Variants in CNTRL observed in about 807,000 individuals in gnomAD.
CNTRL encodes the protein 110 kDa centrosomal protein.
A neutral mutation model predicts 303.7 loss-of-function variants in CNTRL; 233 were observed. The observed-to-expected ratio is 0.77, with a 90% CI of 0.69 to 0.86. The LOEUF (loss-of-function observed/expected upper bound fraction) is 0.86, where lower values mean the gene tolerates loss of function less well. CNTRL is among the 40% of genes least tolerant of loss of function. CNTRL has a pLI of 0.00. For missense variants in CNTRL, 2,524 were observed against 2,650.6 expected, an observed-to-expected ratio of 0.95 and a Z score of 1.05; for synonymous variants, 900 against 922.2, an observed-to-expected ratio of 0.98 and a Z score of 0.44.
intron 40 of CNTRL, 44 bp from the exon 41 acceptor site, chr9:121,173,195 AAGTC>A: frequency 6.6e-7 from 1 of 1,526,172 alleles, no homozygotes; most frequent in Non-Finnish European, 8.9e-7. Context: ...AATTCCAAGT[AAGTC>A]TGAAATTTTA....
At chr9:121,104,171 T>C (rs896839960) in intron 7 of CNTRL, among the ~76,000 whole-genome samples, 23 of 152,218 alleles carry the variant, frequency 1.5e-4, no homozygotes, top group Non-Finnish European at 2.8e-4. Flanking sequence ...GTGGCACATA[T>C]ACACCATGGA....
At chr9:121,130,914 G>A (rs1191105812) in intron 14 of CNTRL, among the ~76,000 whole-genome samples, 1 of 152,146 alleles carries the variant, frequency 6.6e-6, no homozygotes, top group Non-Finnish European at 1.5e-5. Context: ...GGAGCAGGTC[G>A]TTTAGTTTCC....
rs1177713212 is a variant in CNTRL at position 121,113,621 on chromosome 9, G to C, written c.1242G>C (p.Lys414Asn). The C allele has an allele frequency of 4.3e-6, 7 of 1,609,474 alleles. No homozygotes were observed. Among genetic ancestry groups the C allele is most frequent in the Non-Finnish European group, 5.9e-6 (7 of 1,178,542 alleles). The change falls in exon 10 of 44, where the codon AAG (lysine) becomes AAC (asparagine). Residue 414 changes from lysine to asparagine, a missense_variant. Transcript: ENST00000373855. ...ACAGTGCTCAGGCAGTACAGATCAAGAAGATGGAGCCAGATGAACAACTTA... is the reference window on the plus strand; with the variant it reads ...ACAGTGCTCAGGCAGTACAGATCAACAAGATGGAGCCAGATGAACAACTTA... ...IIDSAQAVQIKKMEPDEQLRN... is the reference protein window; with the variant it reads ...IIDSAQAVQINKMEPDEQLRN...
chr9:121,138,660 C>T lies in CNTRL; in HGVS notation c.2318C>T (p.Ala773Val). The change falls in exon 16 of 44, where the codon GCA (alanine) becomes GTA (valine). Residue 773 changes from alanine (A) to valine (V), a missense_variant. Transcript: ENST00000373855. Reference sequence around the variant, plus strand: ...GAGCAAGAGAACAGTGAGCTCCATGCAAAACTTAAACACTTGCAGGTAGAG... The same window carrying T: ...GAGCAAGAGAACAGTGAGCTCCATGTAAAACTTAAACACTTGCAGGTAGAG... ...EKEQENSELHAKLKHLQDDNN... is the reference protein window; with the variant it reads ...EKEQENSELHVKLKHLQDDNN... 1 of 1,613,704 alleles carries T rather than the reference C, an allele frequency of 6.2e-7. No individual in the cohort carries two copies.
At chr9:121,174,755 G>C (rs1483697038) in intron 42 of CNTRL, among the ~76,000 whole-genome samples, 1 of 152,102 alleles carries the variant, frequency 6.6e-6, no homozygotes, top group East Asian at 1.9e-4. Context: ...GGAGAAGCAA[G>C]GGATACAGAA....
chr9:121,152,666 G>C lies in CNTRL; in HGVS notation c.4145G>C (p.Arg1382Thr), dbSNP rs756418412. ...GAGTGTGAAGTAGAAGAATTACATA[G>C]AACTGTCCAGAAACGTCAACAGCAA... ...SLECEVEELH[R>T]TVQKRQQQKD... Residue 1382 changes from arginine to threonine, a missense_variant, in exon 26 of 44, where the codon AGA (arginine) becomes ACA (threonine). Coordinates refer to ENST00000373855, the MANE Select transcript of CNTRL (RefSeq NM_007018.6). 6.2e-7 allele frequency: 1 copy of C among 1,613,130 alleles called. No individual in the cohort carries two copies. Among genetic ancestry groups the C allele is most frequent in the South Asian group, 1.1e-5 (1 of 90,972 alleles).
chr9:121,175,209 A>G lies in CNTRL; in HGVS notation c.6939A>G (p.Gln2313=), dbSNP rs777022602. ...QLESSLTEDS[Q]LGQNQEKNAS... ...AGTCTTCCCTCACAGAGGACTCTCA[A>G]CTTGGACAAAATCAGGTAAGCAGCA... The change falls in exon 43 of 44, where the codon CAA becomes CAG. Residue 2313 remains glutamine (Q), a synonymous_variant. Coordinates refer to ENST00000373855, the MANE Select transcript of CNTRL (RefSeq NM_007018.6). 4 of 1,613,936 alleles carry G rather than the reference A, an allele frequency of 2.5e-6. No homozygotes were observed. Among genetic ancestry groups the G allele is most frequent in the African/African-American group, 1.3e-5 (1 of 74,926 alleles).
At position 121,146,253 on chromosome 9, in the gene CNTRL, A is replaced by C. The variant is rs2051846759; in HGVS notation, c.3456A>C (p.Ser1152=). Residue 1152 remains serine, a synonymous_variant, in exon 23 of 44, where the codon TCA becomes TCC. Coordinates refer to ENST00000373855, the MANE Select transcript of CNTRL (RefSeq NM_007018.6). ...ACTTTATGCCACCACCACCATCATCAAAAGTAGGAATTCTGTGGTGTTGGG... is the reference window on the plus strand; with the variant it reads ...ACTTTATGCCACCACCACCATCATCCAAAGTAGGAATTCTGTGGTGTTGGG... The part of the protein sequence containing the change: ...YWYFMPPPPS[S]KVSSHSSQAT... The C allele has an allele frequency of 6.2e-7, 1 of 1,606,246 alleles. No homozygotes were observed. The highest frequency in any genetic ancestry group is 8.5e-7 in the Non-Finnish European group (1 of 1,178,114).
chr9:121,154,947 G>C lies in CNTRL; in HGVS notation c.4365+34G>C, dbSNP rs574834709. ...TCTTGTGGTTTGGGGTGTGAGCTCA[G>C]TGTGGGTGAGTCAGCTTACTGTCCA... is the stretch of plus-strand genomic sequence containing the variant. On this transcript the variant is annotated intron_variant, in intron 27 of 43. Coordinates refer to ENST00000373855, the MANE Select transcript of CNTRL (RefSeq NM_007018.6). 9 of 1,560,400 alleles carry C rather than the reference G, an allele frequency of 5.8e-6. No homozygotes were observed. The South Asian group carries it at 6.7e-5, about 12-fold the overall frequency.
At chr9:121,121,473 T>C (rs1177424565) in intron 12 of CNTRL, among the ~76,000 whole-genome samples, 1 of 152,202 alleles carries the variant, frequency 6.6e-6, no homozygotes, top group African/African-American at 2.4e-5. Flanking sequence ...TTTCAGCAAA[T>C]ATAAGCATTT....
intron 2 of CNTRL, among the ~76,000 whole-genome samples, chr9:121,086,330 A>G (rs1354685566): frequency 6.6e-6 from 1 of 152,228 alleles, no homozygotes; most frequent in Admixed American, 6.5e-5. Context: ...CAAACTGATT[A>G]TGTGAGGAAA....
chr9:121,125,636 C>G, intron 13 of CNTRL, 80 bp from the exon 14 acceptor site: 1 of 1,232,956 alleles, frequency 8.1e-7, no homozygotes, highest in Admixed American at 1.9e-5. Flanking sequence ...GAATTTCACT[C>G]TTGGCTTATA....
At chr9:121,103,791 G>T (rs1275176452) in intron 7 of CNTRL, among the ~76,000 whole-genome samples, 1 of 152,054 alleles carries the variant, frequency 6.6e-6, no homozygotes, top group Non-Finnish European at 1.5e-5. Context: ...ATCATCACTG[G>T]CCATCAGAGA....
At position 121,138,567 on chromosome 9, in the gene CNTRL, C is replaced by G. The variant is rs140380687; in HGVS notation, c.2225C>G (p.Ala742Gly). 10 of 1,613,810 alleles carry G rather than the reference C, an allele frequency of 6.2e-6. No individual in the cohort carries two copies. The highest frequency in any genetic ancestry group is 8.5e-6 in the Non-Finnish European group (10 of 1,179,772). Residue 742 changes from alanine (A) to glycine (G), a missense_variant, in exon 16 of 44, where the codon GCA becomes GGA. Transcript: ENST00000373855. ...LTQLEQSALQ[A>G]ELEKERQALK... The stretch of plus-strand genomic sequence containing the variant: ...CAGTTAGAACAATCAGCCCTTCAAG[C>G]AGAACTTGAGAAGGAAAGGCAAGCC...
chr9:121,146,051 T>C, intron 22 of CNTRL, 57 bp from the exon 23 acceptor site: 1 of 1,448,132 alleles, frequency 6.9e-7, no homozygotes, highest in Non-Finnish European at 9.4e-7. Flanking sequence ...CTTTTATATT[T>C]TGAGAAAGGA....
At chr9:121,075,726 G>A (rs1588019804) in intron 1 of CNTRL, among the ~76,000 whole-genome samples, 1 of 152,118 alleles carries the variant, frequency 6.6e-6, no homozygotes, top group Non-Finnish European at 1.5e-5. Context: ...TCATTTTTGG[G>A]TGTTCACTAT....
Position 121,127,770 on chromosome 9 carries a change from A to T in CNTRL, c.2025+1834A>T, listed in dbSNP as rs1400714996. On this transcript the variant is annotated intron_variant, in intron 14 of 43. Coordinates refer to ENST00000373855, the MANE Select transcript of CNTRL (RefSeq NM_007018.6). The stretch of plus-strand genomic sequence containing the variant: ...TTAACTCGTCATTTACATTAGGTAT[A>T]TCTCCTAATGCTATCCCTCCCCCCT... Among the ~76,000 whole-genome samples the T allele has an allele frequency of 2.0e-5, 3 of 149,130 alleles. No individual in the cohort carries two copies. In the South Asian group the frequency reaches 6.6e-4, roughly 33 times the overall value.
chr9:121,075,735 A>G (rs760118220), intron 1 of CNTRL, among the ~76,000 whole-genome samples: 1 of 152,146 alleles, frequency 6.6e-6, no homozygotes, highest in Non-Finnish European at 1.5e-5. Context: ...GGTGTTCACT[A>G]TTTGTCAGAT....
Position 121,091,427 on chromosome 9 carries a change from A to C in CNTRL, c.348+1022A>C, listed in dbSNP as rs534961974. Among the ~76,000 whole-genome samples, 282 of 152,328 alleles carry C rather than the reference A, an allele frequency of 1.9e-3. 3 individuals are homozygous for C. The highest frequency in any genetic ancestry group is 6.8e-3 in the Middle Eastern group (2 of 294). The stretch of plus-strand genomic sequence containing the variant: ...TATGAGAATATTTTTAAAATCTTAG[A>C]GTGGTGAAGGTCCCCCTAAGCAAAT... On this transcript the variant is annotated intron_variant, in intron 4 of 43. Transcript: ENST00000373855.
Sources: allele counts gnomAD v4.1 joint callset (sites outside exome capture counted in the v4.1 genomes callset), GRCh38; gene constraint gnomAD v4.1.1; transcripts MANE v1.5; gene names NCBI Gene and HGNC (gene_info 2026-07-23, HGNC 2026-07-21).